Variants in FHIT observed in about 807,000 individuals in gnomAD.
The protein encoded by FHIT is bis(5'-adenosyl)-triphosphatase.
A neutral mutation model predicts 17.9 loss-of-function variants in FHIT; 19 were observed. The observed-to-expected ratio is 1.06, with a 90% CI of 0.74 to 1.56. The LOEUF (loss-of-function observed/expected upper bound fraction) is 1.56, where lower values mean the gene tolerates loss of function less well. FHIT is among the 40% of genes most tolerant of loss of function. FHIT has a pLI of 0.00. For synonymous variants in FHIT, 81 were observed against 69.7 expected (o/e 1.16, Z -0.81); for missense variants, 248 against 189.2 (o/e 1.31, Z -1.82).
intron 3 of FHIT, among the ~76,000 whole-genome samples, chr3:60,902,889 G>C (rs955472565): frequency 3.9e-5 from 6 of 152,094 alleles, no homozygotes; most frequent in Admixed American, 1.3e-4. Flanking sequence ...AGCATAGAAA[G>C]AAATCTTTCA....
intron 3 of FHIT, among the ~76,000 whole-genome samples, chr3:61,006,060 T>G (rs545858718): frequency 6.7e-6 from 1 of 149,302 alleles, no homozygotes; most frequent in South Asian, 2.1e-4. Context: ...GTTACCACCA[T>G]GCTTAAAACA....
At chr3:59,869,273 G>A (rs115660898) in intron 8 of FHIT, among the ~76,000 whole-genome samples, 1,552 of 152,136 alleles carry the variant, frequency 0.01, 13 homozygotes, top group Admixed American at 0.03. Context: ...TCTACCAGAT[G>A]AGCCAAGAAT....
intron 5 of FHIT, among the ~76,000 whole-genome samples, chr3:60,348,833 T>C (rs1282363309): frequency 6.6e-6 from 1 of 152,224 alleles, no homozygotes; most frequent in Non-Finnish European, 1.5e-5. Flanking sequence ...GCCATCAGCA[T>C]TAGAACATGC....
intron 4 of FHIT, among the ~76,000 whole-genome samples, 196 bp from the exon 5 acceptor site, chr3:60,537,175 GT>G (rs1380527224): frequency 1.3e-5 from 2 of 151,996 alleles, no homozygotes; most frequent in Non-Finnish European, 2.9e-5. Flanking sequence ...CCCTACCAGT[GT>G]TTCCTTGATT....
At chr3:59,770,337 G>A (rs1199755269) in intron 8 of FHIT, among the ~76,000 whole-genome samples, 3 of 152,142 alleles carry the variant, frequency 2.0e-5, no homozygotes, top group Non-Finnish European at 4.4e-5. Flanking sequence ...TTGGAAATAG[G>A]GTCTTTGTAG....
chr3:61,133,765 A>T (rs779269637), intron 2 of FHIT, among the ~76,000 whole-genome samples: 5 of 152,116 alleles, frequency 3.3e-5, no homozygotes, highest in Non-Finnish European at 4.4e-5. Flanking sequence ...GAGCCAGGAG[A>T]ACAACCATGA....
intron 8 of FHIT, among the ~76,000 whole-genome samples, chr3:59,870,223 T>A (rs1702856903): frequency 6.6e-6 from 1 of 152,214 alleles, no homozygotes; most frequent in South Asian, 2.1e-4. Flanking sequence ...GGCTCTGTGA[T>A]AAATACTACT....
intron 5 of FHIT, among the ~76,000 whole-genome samples, chr3:60,474,189 A>C (rs951725504): frequency 6.6e-6 from 1 of 152,224 alleles, no homozygotes; most frequent in Non-Finnish European, 1.5e-5. Flanking sequence ...CCCTGACTGC[A>C]CCAGCACCAA....
chr3:60,501,801 T>A (rs1421804857), intron 5 of FHIT, among the ~76,000 whole-genome samples: 1 of 152,268 alleles, frequency 6.6e-6, no homozygotes, highest in African/African-American at 2.4e-5. Context: ...AACGAAGTGA[T>A]ACTGTGTGTT....
At chr3:60,800,599 C>T (rs1701152402) in intron 4 of FHIT, among the ~76,000 whole-genome samples, 1 of 152,068 alleles carries the variant, frequency 6.6e-6, no homozygotes, top group South Asian at 2.1e-4. Context: ...AATCAGATTC[C>T]CTAGAAGTAC....
intron 5 of FHIT, among the ~76,000 whole-genome samples, chr3:60,379,415 T>C (rs971398380): frequency 5.3e-5 from 8 of 152,174 alleles, no homozygotes; most frequent in East Asian, 1.9e-4. Flanking sequence ...ATACTTAATG[T>C]AGATAATCTG....
At chr3:61,188,379 C>T (rs2038594823) in intron 2 of FHIT, among the ~76,000 whole-genome samples, 2 of 152,190 alleles carry the variant, frequency 1.3e-5, no homozygotes, top group Non-Finnish European at 1.5e-5. Context: ...AAGACTAAAC[C>T]AGAAAGAAGT....
intron 5 of FHIT, among the ~76,000 whole-genome samples, chr3:60,167,062 T>C (rs1701208014): frequency 6.6e-6 from 1 of 152,190 alleles, no homozygotes; most frequent in Non-Finnish European, 1.5e-5. Context: ...TACCCAGTTA[T>C]TCACATGAAG....
Position 60,016,997 on chromosome 3 carries a change from C to T in FHIT, c.104-2845G>A, listed in dbSNP as rs377639818. On this transcript the variant is annotated intron_variant, in intron 5 of 9. Transcript: ENST00000492590. ...CTTATAGAAAATTAGAAACTTGCCACACCAGCACACTCAAAATGAGATTAA... is the reference window on the plus strand; with the variant it reads ...CTTATAGAAAATTAGAAACTTGCCATACCAGCACACTCAAAATGAGATTAA... 3.3e-5 allele frequency among the ~76,000 whole-genome samples: 5 copies of T among 152,178 alleles called. No homozygotes were observed. In the East Asian group the frequency reaches 5.8e-4, roughly 18 times the overall value.
At chr3:59,919,095 C>T (rs190902079) in intron 8 of FHIT, among the ~76,000 whole-genome samples, 1 of 152,090 alleles carries the variant, frequency 6.6e-6, no homozygotes, top group Non-Finnish European at 1.5e-5. Context: ...CACAAAAAAC[C>T]CCCCACTATT....
intron 4 of FHIT, among the ~76,000 whole-genome samples, chr3:60,686,971 T>C (rs1041995984): frequency 6.6e-6 from 1 of 152,230 alleles, no homozygotes; most frequent in Non-Finnish European, 1.5e-5. Flanking sequence ...TGCTGCTGTT[T>C]GTGTTTTGTG....
At chr3:60,620,431 A>G (rs1553677996) in intron 4 of FHIT, among the ~76,000 whole-genome samples, 1 of 152,180 alleles carries the variant, frequency 6.6e-6, no homozygotes, top group African/African-American at 2.4e-5. Context: ...TAAACAAATC[A>G]TGGTATACGC....
At chr3:60,748,638 C>G (rs1221454033) in intron 4 of FHIT, among the ~76,000 whole-genome samples, 1 of 152,116 alleles carries the variant, frequency 6.6e-6, no homozygotes, top group African/African-American at 2.4e-5. Flanking sequence ...ACAGGGAAAG[C>G]ACATCTCTAC....
At chr3:60,774,803 A>G (rs191587409) in intron 4 of FHIT, among the ~76,000 whole-genome samples, 13 of 152,310 alleles carry the variant, frequency 8.5e-5, no homozygotes, top group Non-Finnish European at 1.9e-4. Flanking sequence ...CAGCACAGAC[A>G]TCACAGATAC....
Sources: allele counts gnomAD v4.1 joint callset (sites outside exome capture counted in the v4.1 genomes callset), GRCh38; gene constraint gnomAD v4.1.1; transcripts MANE v1.5; gene names NCBI Gene and HGNC (gene_info 2026-07-23, HGNC 2026-07-21).